CRYBG1: variants seen among roughly 807,000 people sequenced by gnomAD.
CRYBG1 encodes the protein crystallin beta-gamma domain containing 1.
A neutral mutation model predicts 189.2 loss-of-function variants in CRYBG1; 139 were observed. That is an observed-to-expected ratio of 0.73 (90% CI 0.64 to 0.85). CRYBG1 has a LOEUF of 0.85. Ranked by LOEUF, CRYBG1 falls within the 40% of genes least tolerant of loss-of-function variation. The probability of loss-of-function intolerance (pLI) is 0.00; values close to 1 mark genes in which losing one functional copy is unlikely to be tolerated. For synonymous variants in CRYBG1, 1,023 were observed against 1,017.1 expected (o/e 1.01, Z -0.11); for missense variants, 2,611 against 2,675.8 (o/e 0.98, Z 0.53).
intron 1 of CRYBG1, among the ~76,000 whole-genome samples, chr6:106,386,377 A>T (rs565533343): frequency 6.6e-6 from 1 of 152,182 alleles, no homozygotes; most frequent in Non-Finnish European, 1.5e-5. Flanking sequence ...TGTGGACAGA[A>T]GTGGTAAATA....
intron 10 of CRYBG1, among the ~76,000 whole-genome samples, chr6:106,542,031 C>T (rs1382441026): frequency 6.6e-6 from 1 of 152,080 alleles, no homozygotes; most frequent in Non-Finnish European, 1.5e-5. Context: ...ATCGATGCCA[C>T]ACACTATAAC....
chr6:106,465,076 C>T (rs1246790108), intron 2 of CRYBG1, among the ~76,000 whole-genome samples: 1 of 152,102 alleles, frequency 6.6e-6, no homozygotes, highest in East Asian at 1.9e-4. Flanking sequence ...TGCGAAGTTC[C>T]CCTAATTCCC....
intron 2 of CRYBG1, among the ~76,000 whole-genome samples, chr6:106,504,644 T>G (rs1384337202): frequency 7.3e-6 from 1 of 136,642 alleles, no homozygotes; most frequent in Non-Finnish European, 1.6e-5. Context: ...GCTGTGCGTG[T>G]GTGTGTTTGT....
chr6:106,363,212 C>T (rs1215813309), intron 1 of CRYBG1, among the ~76,000 whole-genome samples: 1 of 141,266 alleles, frequency 7.1e-6, no homozygotes, highest in South Asian at 2.3e-4. Flanking sequence ...CCACTGCACT[C>T]CAGCCTGGGC....
intron 18 of CRYBG1, 130 bp downstream of exon 18, chr6:106,558,755 G>C (rs758930961): frequency 9.7e-6 from 7 of 719,196 alleles, no homozygotes; most frequent in Non-Finnish European, 1.5e-5. Flanking sequence ...TTGAATCCAG[G>C]GATTCAAGAA....
At chr6:106,413,603 G>A (rs748825340) in intron 1 of CRYBG1, among the ~76,000 whole-genome samples, 8 of 152,170 alleles carry the variant, frequency 5.3e-5, no homozygotes, top group South Asian at 2.1e-4. Flanking sequence ...CTTGAACCTC[G>A]GAAGCAGCGG....
intron 1 of CRYBG1, among the ~76,000 whole-genome samples, chr6:106,440,243 CCTCTCTCT>C (rs34075891): frequency 3.7e-4 from 55 of 147,584 alleles, no homozygotes; most frequent in South Asian, 8.6e-4. Flanking sequence ...TTCCTTTCTT[CCTCTCTCT>C]CTCTCTCTCT....
At chr6:106,412,819 C>T (rs945857488) in intron 1 of CRYBG1, among the ~76,000 whole-genome samples, 3 of 151,956 alleles carry the variant, frequency 2.0e-5, no homozygotes, top group Admixed American at 2.0e-4. Context: ...GGATTTCTTA[C>T]CAGCGGACAC....
intron 15 of CRYBG1, among the ~76,000 whole-genome samples, chr6:106,553,239 A>G (rs1269283598): frequency 6.6e-6 from 1 of 152,220 alleles, no homozygotes; most frequent in Non-Finnish European, 1.5e-5. Flanking sequence ...TTTTACTTTG[A>G]TGTCTCTGAA....
chr6:106,523,748 G>A (rs1237966728), intron 4 of CRYBG1, among the ~76,000 whole-genome samples: 1 of 132,956 alleles, frequency 7.5e-6, no homozygotes, highest in Non-Finnish European at 1.5e-5. Context: ...TTTTTTTTTA[G>A]AGTCAGAATC....
intron 1 of CRYBG1, among the ~76,000 whole-genome samples, chr6:106,390,389 T>A (rs1770478525): frequency 6.6e-6 from 1 of 151,406 alleles, no homozygotes. Context: ...TCCCCTCCCC[T>A]TCCCTCCTCT....
At chr6:106,462,292 TCCCGAGTAGCTGGGACTACAGGCG>T (rs1345504850) in intron 2 of CRYBG1, among the ~76,000 whole-genome samples, 1 of 152,176 alleles carries the variant, frequency 6.6e-6, no homozygotes, top group Non-Finnish European at 1.5e-5. Flanking sequence ...CGCCTCAGCC[TCCCGAGTAGCTGGGACTACAGGCG>T]CCCGCCACCA....
At chr6:106,480,570 G>A (rs1402125833) in intron 2 of CRYBG1, among the ~76,000 whole-genome samples, 1 of 151,974 alleles carries the variant, frequency 6.6e-6, no homozygotes. Flanking sequence ...AGCAGGCTGA[G>A]GCAGGAGAAT....
At chr6:106,428,222 A>G (rs1384778061) in intron 1 of CRYBG1, among the ~76,000 whole-genome samples, 1 of 152,180 alleles carries the variant, frequency 6.6e-6, no homozygotes, top group Non-Finnish European at 1.5e-5. Flanking sequence ...TCACACAAAA[A>G]TATGTTTTTG....
At position 106,544,556 on chromosome 6, in the gene CRYBG1, T is replaced by C. The variant is rs1320326147; in HGVS notation, c.5040-15T>C. On this transcript the variant is annotated splice_polypyrimidine_tract_variant and intron_variant, in intron 11 of 21. Coordinates refer to ENST00000633556, the MANE Select transcript of CRYBG1 (RefSeq NM_001371242.2). ...TGTCTGGAAATGACTACTCCTCGTG[T>C]TCTTTATGTTGCAGTTGGGTTGCAT... 1.9e-6 allele frequency: 3 copies of C among 1,611,198 alleles called. No individual in the cohort carries two copies. The highest frequency in any genetic ancestry group is 1.7e-5 in the Admixed American group (1 of 58,998).
chr6:106,448,364 C>T (rs4588718), intron 1 of CRYBG1, among the ~76,000 whole-genome samples: 1 of 152,060 alleles, frequency 6.6e-6, no homozygotes, highest in South Asian at 2.1e-4. Context: ...GATGGTGAAG[C>T]AAGGGCCGTC....
At chr6:106,474,075 C>CTG (rs35118444) in intron 2 of CRYBG1, among the ~76,000 whole-genome samples, 43,442 of 152,072 alleles carry the variant, frequency 0.29, 6,337 homozygotes, top group East Asian at 0.37. Flanking sequence ...ACAAAAGAAA[C>CTG]TATCTTGTTG....
At position 106,520,800 on chromosome 6, in the gene CRYBG1, G is replaced by A. The variant is rs368637688; in HGVS notation, c.3592G>A (p.Val1198Ile). ...RPKRASAEQSVLFKSLHTNTN... is the reference protein window; with the variant it reads ...RPKRASAEQSILFKSLHTNTN... Reference sequence around the variant, plus strand: ...CAAACGTGCATCTGCTGAACAGAGCGTCCTCTTCAAGTCCCTGCACACCAA... The same window carrying A: ...CAAACGTGCATCTGCTGAACAGAGCATCCTCTTCAAGTCCCTGCACACCAA... Residue 1198 changes from valine to isoleucine, a missense_variant, in exon 4 of 22, where the codon GTC becomes ATC. Coordinates refer to ENST00000633556, the MANE Select transcript of CRYBG1 (RefSeq NM_001371242.2). The A allele has an allele frequency of 2.6e-5, 42 of 1,613,970 alleles. No individual in the cohort carries two copies. Among genetic ancestry groups the A allele is most frequent in the East Asian group, 8.9e-5 (4 of 44,896 alleles).
At chr6:106,367,348 G>A (rs1772022042) in intron 1 of CRYBG1, among the ~76,000 whole-genome samples, 1 of 151,942 alleles carries the variant, frequency 6.6e-6, no homozygotes, top group African/African-American at 2.4e-5. Flanking sequence ...CAGCACTTTG[G>A]GAGGCCAAAG....
Sources: allele counts gnomAD v4.1 joint callset (sites outside exome capture counted in the v4.1 genomes callset), GRCh38; gene constraint gnomAD v4.1.1; transcripts MANE v1.5; gene names NCBI Gene and HGNC (gene_info 2026-07-23, HGNC 2026-07-21).